Variants in ZNF407 observed in about 807,000 individuals in gnomAD.
ZNF407 encodes the protein zinc finger protein 407.
A neutral mutation model predicts 131.2 loss-of-function variants in ZNF407; 17 were observed. The observed-to-expected ratio is 0.13, with a 90% CI of 0.09 to 0.19. ZNF407 has a LOEUF of 0.19. Ranked by LOEUF, ZNF407 falls within the 10% of genes least tolerant of loss-of-function variation. The pLI, the probability that ZNF407 is intolerant of heterozygous loss-of-function variation, is 1.00. For synonymous variants in ZNF407, 1,156 were observed against 1,062.0 expected (o/e 1.09, Z -1.72); for missense variants, 2,681 against 2,830.6 (o/e 0.95, Z 1.20).
At chr18:74,738,162 C>T (rs1223499961) in intron 3 of ZNF407, among the ~76,000 whole-genome samples, 1 of 152,076 alleles carries the variant, frequency 6.6e-6, no homozygotes, top group African/African-American at 2.4e-5. Flanking sequence ...TGGCTCACAC[C>T]TGTAATCCCA....
intron 4 of ZNF407, among the ~76,000 whole-genome samples, chr18:74,829,733 T>G (rs1235419813): frequency 9.2e-5 from 14 of 152,162 alleles, no homozygotes; most frequent in Admixed American, 9.2e-4. Context: ...TTATATTAGG[T>G]TTTATAGCAT....
At chr18:74,757,241 G>A (rs1259747383) in intron 3 of ZNF407, among the ~76,000 whole-genome samples, 1 of 151,798 alleles carries the variant, frequency 6.6e-6, no homozygotes, top group East Asian at 1.9e-4. Flanking sequence ...AGTCAAATGA[G>A]GCAGTAAGAA....
chr18:74,667,102 G>A (rs1184766045), intron 3 of ZNF407, among the ~76,000 whole-genome samples: 1 of 152,118 alleles, frequency 6.6e-6, no homozygotes, highest in African/African-American at 2.4e-5. Flanking sequence ...TGCCTCACAA[G>A]TTCAAATGTC....
At chr18:74,764,002 C>T (rs1027145625) in intron 3 of ZNF407, among the ~76,000 whole-genome samples, 1 of 152,008 alleles carries the variant, frequency 6.6e-6, no homozygotes, top group African/African-American at 2.4e-5. Flanking sequence ...CGTGAGCCAC[C>T]GCGCCCGGCC....
intron 7 of ZNF407, among the ~76,000 whole-genome samples, chr18:74,912,341 G>T (rs545351775): frequency 3.9e-5 from 6 of 152,048 alleles, no homozygotes; most frequent in Non-Finnish European, 8.8e-5. Context: ...TTTTGTGTTG[G>T]TTCTGGGTGG....
intron 3 of ZNF407, among the ~76,000 whole-genome samples, chr18:74,648,830 G>T (rs1363226497): frequency 6.6e-6 from 1 of 152,190 alleles, no homozygotes; most frequent in Non-Finnish European, 1.5e-5. Context: ...GGCAATTTCA[G>T]TTGGGACAGG....
chr18:74,676,916 G>A (rs77166845), intron 3 of ZNF407, among the ~76,000 whole-genome samples: 2,275 of 152,282 alleles, frequency 0.015, 30 homozygotes, highest in Non-Finnish European at 0.021. Context: ...CTCGGGAGCA[G>A]AGGCTGACTG....
At chr18:74,780,284 G>A (rs1307181774) in intron 3 of ZNF407, among the ~76,000 whole-genome samples, 4 of 152,114 alleles carry the variant, frequency 2.6e-5, no homozygotes, top group African/African-American at 9.7e-5. Flanking sequence ...TAGACATTTA[G>A]ACATGAAAAG....
rs371331396 is a variant in ZNF407 at position 75,056,268 on chromosome 18, C to T, written c.5429-6882C>T. ...ATTCTTAATCTTGTATTTCAAGTAA[C>T]CTTTCTGTTTCTGTTTTGTGTGTGA... On this transcript the variant is annotated intron_variant, in intron 8 of 8. Coordinates refer to ENST00000299687, the MANE Select transcript of ZNF407 (RefSeq NM_017757.3). Among the ~76,000 whole-genome samples the T allele has an allele frequency of 9.2e-5, 14 of 152,272 alleles. No individual in the cohort carries two copies. The South Asian group carries it at 2.9e-3, about 32-fold the overall frequency.
At chr18:74,673,727 G>A (rs1986245409) in intron 3 of ZNF407, among the ~76,000 whole-genome samples, 1 of 152,232 alleles carries the variant, frequency 6.6e-6, no homozygotes, top group Non-Finnish European at 1.5e-5. Flanking sequence ...AAAATTCTGT[G>A]TTAAACATAC....
chr18:75,049,109 G>T (rs868626540), intron 8 of ZNF407, among the ~76,000 whole-genome samples: 4 of 107,700 alleles, frequency 3.7e-5, no homozygotes, highest in Non-Finnish European at 4.1e-5. Context: ...GGGTGGGGGG[G>T]GGGTGGGGGA....
At chr18:74,720,176 A>ATTT (rs34064021) in intron 3 of ZNF407, among the ~76,000 whole-genome samples, 78 of 149,750 alleles carry the variant, frequency 5.2e-4, no homozygotes, top group African/African-American at 1.8e-3. Flanking sequence ...AGCATTTGCT[A>ATTT]TTTTTTTTTT....
chr18:75,034,464 C>T (rs186410138), intron 8 of ZNF407, among the ~76,000 whole-genome samples: 4 of 151,904 alleles, frequency 2.6e-5, no homozygotes, highest in African/African-American at 7.2e-5. Context: ...CCACCATGCC[C>T]GGCTAATTTT....
intron 4 of ZNF407, among the ~76,000 whole-genome samples, chr18:74,802,934 C>T (rs1366389925): frequency 6.6e-6 from 1 of 150,794 alleles, no homozygotes; most frequent in African/African-American, 2.4e-5. Context: ...TTGTTTTTTT[C>T]TTTTTTTTTA....
At chr18:74,871,157 C>T (rs1381444592) in intron 4 of ZNF407, among the ~76,000 whole-genome samples, 1 of 152,152 alleles carries the variant, frequency 6.6e-6, no homozygotes, top group African/African-American at 2.4e-5. Context: ...GGTGGCCGGT[C>T]GGCAGTGCTC....
intron 3 of ZNF407, among the ~76,000 whole-genome samples, chr18:74,739,520 A>T (rs531653508): frequency 3.3e-5 from 5 of 151,478 alleles, no homozygotes; most frequent in African/African-American, 1.2e-4. Flanking sequence ...TTATATATAT[A>T]TATGTATGTA....
chr18:74,876,637 C>T (rs552939711), intron 4 of ZNF407, among the ~76,000 whole-genome samples: 17 of 151,916 alleles, frequency 1.1e-4, no homozygotes, highest in African/African-American at 2.2e-4. Flanking sequence ...TGTATAGTTA[C>T]GATCTGTTTT....
chr18:74,707,514 C>T (rs73482741), intron 3 of ZNF407, among the ~76,000 whole-genome samples: 2,514 of 152,254 alleles, frequency 0.017, 77 homozygotes, highest in African/African-American at 0.058. Context: ...CCTTATGCTC[C>T]AGTGAGCATA....
intron 3 of ZNF407, among the ~76,000 whole-genome samples, chr18:74,645,637 TTG>T (rs35047949): frequency 0.49 from 71,242 of 144,988 alleles, 18,384 homozygotes; most frequent in East Asian, 0.68. Flanking sequence ...GTAAAACTCT[TTG>T]TGTGTGTGTG....
Sources: allele counts gnomAD v4.1 joint callset (sites outside exome capture counted in the v4.1 genomes callset), GRCh38; gene constraint gnomAD v4.1.1; transcripts MANE v1.5; gene names NCBI Gene and HGNC (gene_info 2026-07-23, HGNC 2026-07-21).